Variants in SORCS1 observed in about 807,000 individuals in gnomAD.
SORCS1 encodes VPS10 domain-containing receptor SorCS1.
Under a neutral mutation model 146.1 loss-of-function variants are expected in SORCS1, and 60 were observed. The observed-to-expected ratio is 0.41, with a 90% confidence interval of 0.33 to 0.51. The LOEUF (loss-of-function observed/expected upper bound fraction) is 0.51, where lower values mean the gene tolerates loss of function less well. SORCS1 is among the 20% of genes least tolerant of loss of function. The probability of loss-of-function intolerance (pLI) is 0.21; values close to 1 mark genes in which losing one functional copy is unlikely to be tolerated. For missense variants in SORCS1, 1,352 were observed against 1,487.6 expected (o/e 0.91, Z 1.50); for synonymous variants, 637 against 584.0 (o/e 1.09, Z -1.31).
At chr10:106,674,795 T>G (rs1454878842) in intron 14 of SORCS1, among the ~76,000 whole-genome samples, 1 of 152,202 alleles carries the variant, frequency 6.6e-6, no homozygotes, top group African/African-American at 2.4e-5. Flanking sequence ...AAGTTTTAAA[T>G]GTACAGCTTT....
chr10:106,972,787 C>T (rs1955844791), intron 1 of SORCS1, among the ~76,000 whole-genome samples: 1 of 152,126 alleles, frequency 6.6e-6, no homozygotes, highest in African/African-American at 2.4e-5. Context: ...AGGTAGGGAC[C>T]TTTTCAATCT....
chr10:106,590,697 C>T (rs938860937), intron 24 of SORCS1, among the ~76,000 whole-genome samples: 1 of 152,138 alleles, frequency 6.6e-6, no homozygotes, highest in Non-Finnish European at 1.5e-5. Flanking sequence ...CTCTGTTGCC[C>T]AGGCTGGAGT....
chr10:106,722,105 T>C (rs1021282309), intron 6 of SORCS1, among the ~76,000 whole-genome samples: 1 of 114,904 alleles, frequency 8.7e-6, no homozygotes, highest in Non-Finnish European at 1.8e-5. Context: ...TGGAGAAATA[T>C]AGCAAATATA....
intron 18 of SORCS1, among the ~76,000 whole-genome samples, chr10:106,635,750 T>C (rs1344555606): frequency 6.6e-6 from 1 of 152,186 alleles, no homozygotes; most frequent in African/African-American, 2.4e-5. Flanking sequence ...TGACTGATGA[T>C]GGAATACAAC....
At chr10:106,671,882 T>C (rs1851634375) in intron 15 of SORCS1, among the ~76,000 whole-genome samples, 1 of 152,206 alleles carries the variant, frequency 6.6e-6, no homozygotes, top group Non-Finnish European at 1.5e-5. Context: ...GAGAGCTAAA[T>C]TCAGTGTTTT....
At chr10:107,173,072 G>T in the SORCS1 span, among the ~76,000 whole-genome samples, 2 of 152,026 alleles carry the variant, frequency 1.3e-5, no homozygotes, top group East Asian at 3.8e-4. Context: ...CTCAGCATCC[G>T]AGCAGGATCC....
chr10:107,039,258 G>A (rs1319827925), intron 1 of SORCS1, among the ~76,000 whole-genome samples: 1 of 149,900 alleles, frequency 6.7e-6, no homozygotes, highest in Non-Finnish European at 1.5e-5. Flanking sequence ...AACCCGGGAG[G>A]AGGAGTTTGC....
chr10:106,758,664 A>G (rs1462554441), intron 5 of SORCS1, among the ~76,000 whole-genome samples: 1 of 152,246 alleles, frequency 6.6e-6, no homozygotes, highest in Admixed American at 6.5e-5. Context: ...CCTCTCTTCC[A>G]TAAACTAACT....
chr10:107,101,668 T>A (rs1456928549), intron 1 of SORCS1, among the ~76,000 whole-genome samples: 1 of 152,178 alleles, frequency 6.6e-6, no homozygotes, highest in East Asian at 1.9e-4. Context: ...GGGTTGAATA[T>A]GCTTGAATAA....
intron 5 of SORCS1, among the ~76,000 whole-genome samples, chr10:106,748,110 T>C (rs1003572025): frequency 1.3e-5 from 2 of 152,188 alleles, no homozygotes; most frequent in Non-Finnish European, 1.5e-5. Flanking sequence ...AGGCATACTT[T>C]GATTGCACTT....
chr10:106,908,937 T>A (rs1054564380), intron 2 of SORCS1, among the ~76,000 whole-genome samples: 1 of 150,262 alleles, frequency 6.7e-6, no homozygotes, highest in Non-Finnish European at 1.5e-5. Context: ...TACTCCATTA[T>A]TTTTTTTTAT....
intron 10 of SORCS1, among the ~76,000 whole-genome samples, chr10:106,683,179 C>T (rs1235417184): frequency 6.6e-6 from 1 of 152,148 alleles, no homozygotes; most frequent in Non-Finnish European, 1.5e-5. Context: ...CCTTTCTTTG[C>T]CTGATTCTTT....
intron 24 of SORCS1, among the ~76,000 whole-genome samples, chr10:106,593,069 C>A (rs1845702277): frequency 6.7e-6 from 1 of 148,954 alleles, no homozygotes. Context: ...GCAGAGGTTG[C>A]AGTGATCCGA....
chr10:106,773,953 A>T (rs1194325193), intron 4 of SORCS1, among the ~76,000 whole-genome samples: 1 of 152,152 alleles, frequency 6.6e-6, no homozygotes, highest in Non-Finnish European at 1.5e-5. Flanking sequence ...CATCTCAAAA[A>T]AAAAAAGAAT....
chr10:107,040,013 T>A (rs765007832), intron 1 of SORCS1, among the ~76,000 whole-genome samples: 3 of 152,088 alleles, frequency 2.0e-5, no homozygotes, highest in Non-Finnish European at 4.4e-5. Flanking sequence ...TGAATCAGGA[T>A]CACAACACTG....
At chr10:106,832,259 GC>G (rs1348704522) in intron 2 of SORCS1, among the ~76,000 whole-genome samples, 2 of 144,564 alleles carry the variant, frequency 1.4e-5, no homozygotes, top group African/African-American at 2.6e-5. Flanking sequence ...GGTGATCTCT[GC>G]TCACCGCAAC....
chr10:107,062,307 T>C (rs1961302069), intron 1 of SORCS1, among the ~76,000 whole-genome samples: 1 of 152,168 alleles, frequency 6.6e-6, no homozygotes, highest in Non-Finnish European at 1.5e-5. Flanking sequence ...TTAACATTTT[T>C]AATTTATTAA....
chr10:106,727,766 C>A (rs58551326), intron 6 of SORCS1, among the ~76,000 whole-genome samples: 1 of 152,148 alleles, frequency 6.6e-6, no homozygotes, highest in Admixed American at 6.5e-5. Flanking sequence ...CAACCATCCA[C>A]AGTAATCAAT....
In SORCS1 at chr10:106,620,441, C is replaced by T; in HGVS notation, c.2783G>A (p.Gly928Glu). 1 of 1,613,312 alleles carries T rather than the reference C, an allele frequency of 6.2e-7. No individual in the cohort carries two copies. The highest frequency in any genetic ancestry group is 1.1e-5 in the South Asian group (1 of 90,976). Reference protein sequence around the residue: ...VGTLTYVWWYGNNTEPLITLE... With the variant: ...VGTLTYVWWYENNTEPLITLE... ...AGGTGAACCCACCTCCGTGTTGTTT[C>T]CGTACCACCACACGTAAGTGAGGGT... Residue 928 changes from glycine to glutamate, a missense_variant, in exon 20 of 26, where the codon GGA becomes GAA. Gly to Glu is a moderately conservative substitution (Grantham distance 98). Around this residue, in one of 3 missense-constraint regions of SORCS1, gnomAD observed 648 missense variants for 793.8 expected, o/e 0.82. Coordinates refer to ENST00000263054, the MANE Select transcript of SORCS1 (RefSeq NM_052918.5).
Sources: allele counts gnomAD v4.1 joint callset (sites outside exome capture counted in the v4.1 genomes callset), GRCh38; gene constraint gnomAD v4.1.1; regional missense constraint gnomAD v4.1.1; transcripts MANE v1.5; gene names NCBI Gene and HGNC (gene_info 2026-07-23, HGNC 2026-07-21).